Variants in SPAG16 observed in about 807,000 individuals in gnomAD.
The protein encoded by SPAG16 is sperm-associated antigen 16 protein.
A neutral mutation model predicts 80.4 loss-of-function variants in SPAG16; 86 were observed. The ratio of observed to expected loss-of-function variants is 1.07; its 90% confidence interval spans 0.90 to 1.28. The LOEUF (loss-of-function observed/expected upper bound fraction) is 1.28, where lower values mean the gene tolerates loss of function less well. SPAG16 is among the 50% of genes most tolerant of loss of function. The pLI is 0.00. For synonymous variants in SPAG16, 294 were observed against 265.9 expected (o/e 1.11, Z -1.03); for missense variants, 870 against 765.3 (o/e 1.14, Z -1.61).
chr2:214,383,705 G>A (rs139202294), intron 15 of SPAG16, among the ~76,000 whole-genome samples: 2 of 152,282 alleles, frequency 1.3e-5, no homozygotes, highest in East Asian at 1.9e-4. Context: ...AGGCTGAGAG[G>A]TGGGAGTTGG....
At chr2:213,554,194 A>C (rs996720384) in intron 10 of SPAG16, among the ~76,000 whole-genome samples, 2 of 152,172 alleles carry the variant, frequency 1.3e-5, no homozygotes, top group Non-Finnish European at 2.9e-5. Flanking sequence ...CAAAGACTCT[A>C]ACAACACTTG....
chr2:214,015,176 T>G (rs2124970863), intron 13 of SPAG16, among the ~76,000 whole-genome samples: 1 of 152,266 alleles, frequency 6.6e-6, no homozygotes. Flanking sequence ...GTGGAGGACA[T>G]GAAAACCCTT....
chr2:214,235,560 G>T (rs1443241887), intron 15 of SPAG16, among the ~76,000 whole-genome samples: 2 of 152,070 alleles, frequency 1.3e-5, no homozygotes, highest in Non-Finnish European at 2.9e-5. Flanking sequence ...TGCATAGAAT[G>T]ATTTAATAGT....
At chr2:213,736,340 C>T (rs1177158443) in intron 10 of SPAG16, among the ~76,000 whole-genome samples, 17 of 152,082 alleles carry the variant, frequency 1.1e-4, no homozygotes, top group Non-Finnish European at 1.5e-5. Flanking sequence ...GTCACCCAGG[C>T]TGGAGTGCAG....
At chr2:213,318,254 A>G (rs1272822195) in intron 5 of SPAG16, among the ~76,000 whole-genome samples, 1 of 152,002 alleles carries the variant, frequency 6.6e-6, no homozygotes, top group Non-Finnish European at 1.5e-5. Flanking sequence ...AATCAACGTA[A>G]GTGTCCATCA....
chr2:213,970,288 C>CTT (rs55972413), intron 12 of SPAG16, among the ~76,000 whole-genome samples: 17 of 145,742 alleles, frequency 1.2e-4, no homozygotes, highest in African/African-American at 3.8e-4. Context: ...AAAAGTTTTG[C>CTT]TTTTTTTTTT....
At chr2:214,218,340 A>G (rs1180007660) in intron 15 of SPAG16, among the ~76,000 whole-genome samples, 1 of 152,136 alleles carries the variant, frequency 6.6e-6, no homozygotes, top group Non-Finnish European at 1.5e-5. Flanking sequence ...GCTGTTCTGG[A>G]AAATAGAAGC....
chr2:213,612,846 G>A (rs1357813965), intron 10 of SPAG16, among the ~76,000 whole-genome samples: 3 of 151,912 alleles, frequency 2.0e-5, no homozygotes, highest in Non-Finnish European at 2.9e-5. Flanking sequence ...ACCACGCCTG[G>A]CTAATTTTTG....
At chr2:213,495,308 C>A (rs1359309654) in intron 10 of SPAG16, among the ~76,000 whole-genome samples, 1 of 152,190 alleles carries the variant, frequency 6.6e-6, no homozygotes, top group Non-Finnish European at 1.5e-5. Flanking sequence ...AAGTTCTAAG[C>A]CATGTGATAG....
chr2:213,754,754 C>A (rs961620440), intron 10 of SPAG16, among the ~76,000 whole-genome samples: 2 of 151,984 alleles, frequency 1.3e-5, no homozygotes, highest in Non-Finnish European at 2.9e-5. Flanking sequence ...TGCAAGAAAG[C>A]CTGTTAGTTG....
At chr2:213,987,281 G>T (rs1283185616) in intron 12 of SPAG16, among the ~76,000 whole-genome samples, 1 of 152,010 alleles carries the variant, frequency 6.6e-6, no homozygotes, top group Non-Finnish European at 1.5e-5. Flanking sequence ...AATACCTACT[G>T]CCTGCCTACC....
intron 13 of SPAG16, among the ~76,000 whole-genome samples, chr2:214,040,462 C>T (rs937438097): frequency 1.3e-5 from 2 of 152,064 alleles, no homozygotes; most frequent in Admixed American, 1.3e-4. Flanking sequence ...CCCAAAATCC[C>T]CGGTGTGTAT....
intron 15 of SPAG16, among the ~76,000 whole-genome samples, chr2:214,282,254 A>G (rs1306325869): frequency 6.6e-6 from 1 of 152,180 alleles, no homozygotes; most frequent in African/African-American, 2.4e-5. Flanking sequence ...TAAATTATAA[A>G]TGATGTAGAT....
intron 13 of SPAG16, among the ~76,000 whole-genome samples, chr2:214,027,178 T>C (rs2193786): frequency 0.28 from 42,849 of 151,344 alleles, 6,454 homozygotes; most frequent in Non-Finnish European, 0.32. Context: ...ACCTTTCCAA[T>C]TTTTGTATGC....
At chr2:213,855,062 A>G (rs561290982) in intron 10 of SPAG16, among the ~76,000 whole-genome samples, 220 of 152,346 alleles carry the variant, frequency 1.4e-3, no homozygotes, top group Non-Finnish European at 2.7e-3. Flanking sequence ...GCTTTAGACC[A>G]TGAGTGTTTC....
intron 5 of SPAG16, among the ~76,000 whole-genome samples, chr2:213,329,234 GTAA>G (rs2063980220): frequency 6.6e-6 from 1 of 152,208 alleles, no homozygotes; most frequent in Non-Finnish European, 1.5e-5. Flanking sequence ...TTAGAACTGG[GTAA>G]CAGGCAGAGG....
chr2:213,289,443 T>A (rs979868291), intron 1 of SPAG16, among the ~76,000 whole-genome samples: 1 of 152,166 alleles, frequency 6.6e-6, no homozygotes, highest in African/African-American at 2.4e-5. Flanking sequence ...TTCTGTTGAA[T>A]TGGTAGTGGC....
chr2:214,410,276 T>C lies in SPAG16; in HGVS notation c.1857T>C (p.Phe619=). The change falls in exon 16 of 16, where the codon TTT becomes TTC. Residue 619 remains phenylalanine, a synonymous_variant. Coordinates refer to ENST00000331683, the MANE Select transcript of SPAG16 (RefSeq NM_024532.5). ...VVFSHDGEIL[F]SGGSDGTVRT... ...TTTCTCACGACGGGGAGATTCTCTT[T>C]TCTGGAGGCTCTGACGGCACAGTTC... The C allele has an allele frequency of 6.2e-7, 1 of 1,609,588 alleles. No homozygotes were observed. Among genetic ancestry groups the C allele is most frequent in the Non-Finnish European group, 8.5e-7 (1 of 1,176,124 alleles).
intron 11 of SPAG16, among the ~76,000 whole-genome samples, chr2:213,880,385 C>G (rs1022767961): frequency 3.3e-5 from 5 of 152,138 alleles, no homozygotes; most frequent in Admixed American, 6.6e-5. Flanking sequence ...AAACTTTTGC[C>G]AGATGCATTG....
Sources: gnomAD v4.1 joint callset for allele counts (sites outside exome capture counted in the v4.1 genomes callset) on GRCh38, gnomAD v4.1.1 for gene constraint, MANE v1.5 for transcripts, NCBI Gene and HGNC (gene_info 2026-07-23, HGNC 2026-07-21) for gene names.